ANXA8: variants seen among roughly 807,000 people sequenced by gnomAD.
The protein encoded by ANXA8 is annexin A8, also known as VAC-beta.
Under a neutral mutation model 26.8 loss-of-function variants are expected in ANXA8, and 9 were observed. The ratio of observed to expected loss-of-function variants is 0.34; its 90% CI spans 0.20 to 0.59. The LOEUF (loss-of-function observed/expected upper bound fraction) is 0.59. Ranked by LOEUF, ANXA8 falls within the 20% of genes least tolerant of loss-of-function variation. The pLI is 0.84. For missense variants in ANXA8, 83 were observed against 238.5 expected, an observed-to-expected ratio of 0.35 and a Z score of 4.29; for synonymous variants, 39 against 94.8, an observed-to-expected ratio of 0.41 and a Z score of 3.42.
the ANXA8 span, among the ~76,000 whole-genome samples, chr10:47,580,621 T>C: frequency 8.7e-5 from 13 of 150,122 alleles, no homozygotes; most frequent in South Asian, 2.3e-3. Context: ...TGAATACCTG[T>C]AGCCCCAGCT....
chr10:47,973,769 C>T, the ANXA8 span, among the ~76,000 whole-genome samples: 1 of 151,290 alleles, frequency 6.6e-6, no homozygotes, highest in Admixed American at 6.6e-5. Context: ...AATCAGAGAC[C>T]GTTAGAAAAC....
At chr10:47,614,716 T>C in the ANXA8 span, among the ~76,000 whole-genome samples, 185 of 56,492 alleles carry the variant, frequency 3.3e-3, 53 homozygotes, top group African/African-American at 9.3e-3. Context: ...TGGAGTGCAA[T>C]GGCATGATCT....
At chr10:47,960,764 T>C in the ANXA8 span, among the ~76,000 whole-genome samples, 3 of 144,574 alleles carry the variant, frequency 2.1e-5, no homozygotes, top group South Asian at 2.2e-4. Context: ...CCAACAGTGA[T>C]AGTCACCTCA....
the ANXA8 span, among the ~76,000 whole-genome samples, chr10:47,637,365 G>T: frequency 1.3e-5 from 2 of 149,480 alleles, no homozygotes; most frequent in African/African-American, 5.1e-5. Context: ...CTCATGAGGA[G>T]CAGCTTTACA....
chr10:47,507,493 G>C, the ANXA8 span: 1 of 1,494,980 alleles, frequency 6.7e-7, no homozygotes, highest in South Asian at 1.2e-5. Context: ...CACTGAGCTT[G>C]ATATCTTGCA....
chr10:47,559,715 CT>C, the ANXA8 span, among the ~76,000 whole-genome samples: 1 of 151,814 alleles, frequency 6.6e-6, no homozygotes, highest in Non-Finnish European at 1.5e-5. Context: ...GTGTGTATCA[CT>C]GGTTAACTAG....
chr10:47,762,184 C>G, the ANXA8 span, among the ~76,000 whole-genome samples: 3 of 151,502 alleles, frequency 2.0e-5, no homozygotes, highest in Non-Finnish European at 4.4e-5. Context: ...AAGGTGAGCA[C>G]GCGCTTAGGG....
the ANXA8 span, among the ~76,000 whole-genome samples, chr10:47,559,142 CTTTT>C: frequency 2.9e-4 from 21 of 73,306 alleles, no homozygotes; most frequent in African/African-American, 5.3e-4. Context: ...TGGAGTCTTA[CTTTT>C]TTTTTTTTTT....
chr10:47,576,826 A>G, the ANXA8 span, among the ~76,000 whole-genome samples: 106,029 of 141,082 alleles, frequency 0.75, 39,179 homozygotes, highest in Non-Finnish European at 0.8. Context: ...GCCTAGAGAG[A>G]TTTTTTTAAG....
chr10:47,533,224 C>CACACACACACATACACACACCCGCAGA, the ANXA8 span, among the ~76,000 whole-genome samples: 1 of 133,092 alleles, frequency 7.5e-6, no homozygotes, highest in African/African-American at 3.0e-5. Context: ...CACACACACA[C>CACACACACACATACACACACCCGCAGA]CCCCGCAGAC....
the ANXA8 span, among the ~76,000 whole-genome samples, chr10:47,685,256 G>A: frequency 2.7e-5 from 4 of 149,916 alleles, no homozygotes; most frequent in Non-Finnish European, 4.4e-5. Context: ...TGAGGTAGGA[G>A]AATCGCTTGA....
At chr10:47,970,107 C>T in the ANXA8 span, 1 of 151,414 alleles carries the variant, frequency 6.6e-6, no homozygotes, top group East Asian at 1.9e-4. Flanking sequence ...TGGAGAGATC[C>T]TGGGCTTGGT....
At chr10:47,941,351 C>T in the ANXA8 span, among the ~76,000 whole-genome samples, 1 of 146,694 alleles carries the variant, frequency 6.8e-6, no homozygotes, top group Non-Finnish European at 1.5e-5. Context: ...TTAGCTTCAT[C>T]TTTATTAAAG....
chr10:47,695,674 T>G, the ANXA8 span, among the ~76,000 whole-genome samples: 2 of 151,800 alleles, frequency 1.3e-5, no homozygotes, highest in South Asian at 4.2e-4. Flanking sequence ...TCTAAATTAT[T>G]TCACTATTGT....
the ANXA8 span, among the ~76,000 whole-genome samples, chr10:47,683,453 C>T: frequency 6.6e-6 from 1 of 151,912 alleles, no homozygotes. Context: ...TGGCCTCGAT[C>T]TCCTGACTTC....
At chr10:47,731,004 GGTTA>G in the ANXA8 span, among the ~76,000 whole-genome samples, 1 of 145,562 alleles carries the variant, frequency 6.9e-6, no homozygotes, top group Non-Finnish European at 1.5e-5. Flanking sequence ...AGCGTTCTGT[GGTTA>G]GTTCGTGTCT....
the ANXA8 span, among the ~76,000 whole-genome samples, chr10:47,721,434 A>G: frequency 7.2e-6 from 1 of 138,682 alleles, no homozygotes; most frequent in African/African-American, 2.6e-5. Context: ...TTCCTAAACT[A>G]TACCACATTA....
At chr10:47,926,026 T>TC in the ANXA8 span, among the ~76,000 whole-genome samples, 1 of 43,600 alleles carries the variant, frequency 2.3e-5, no homozygotes, top group Non-Finnish European at 5.0e-5. Flanking sequence ...TTGCTGGATA[T>TC]CTTTTTTTTT....
chr10:47,668,853 C>T, the ANXA8 span, among the ~76,000 whole-genome samples: 2 of 151,432 alleles, frequency 1.3e-5, no homozygotes, highest in Non-Finnish European at 2.9e-5. Context: ...CTAGAGTTCA[C>T]TCTAGGGTGA....
Sources: allele counts gnomAD v4.1 joint callset (sites outside exome capture counted in the v4.1 genomes callset), GRCh38; gene constraint gnomAD v4.1.1; transcripts MANE v1.5; gene names NCBI Gene and HGNC (gene_info 2026-07-23, HGNC 2026-07-21).